MAGI2: variants seen among roughly 807,000 people sequenced by gnomAD.
MAGI2 encodes membrane-associated guanylate kinase, WW and PDZ domain-containing protein 2.
Under a neutral mutation model 133.3 loss-of-function variants are expected in MAGI2, and 35 were observed. The observed-to-expected ratio is 0.26, with a 90% CI of 0.20 to 0.35. MAGI2 has a LOEUF of 0.35. Among genes scored for constraint, MAGI2 ranks in the 10% least tolerant of loss-of-function variants. MAGI2 has a pLI of 1.00. For missense variants in MAGI2, 1,636 were observed against 1,863.4 expected (o/e 0.88, Z 2.25); for synonymous variants, 729 against 710.6 (o/e 1.03, Z -0.41).
intron 1 of MAGI2, among the ~76,000 whole-genome samples, chr7:79,371,987 T>A (rs969154031): frequency 2.6e-5 from 4 of 152,186 alleles, no homozygotes; most frequent in Admixed American, 2.0e-4. Context: ...TTACAGGCAT[T>A]ATATTACTTA....
intron 1 of MAGI2, among the ~76,000 whole-genome samples, chr7:79,254,808 T>C (rs1038621940): frequency 1.3e-5 from 2 of 152,282 alleles, no homozygotes; most frequent in Middle Eastern, 3.4e-3. Context: ...ATAAACACAA[T>C]AGAAAGTAAA....
chr7:78,223,639 G>A (rs1789055499), intron 10 of MAGI2, among the ~76,000 whole-genome samples: 1 of 151,946 alleles, frequency 6.6e-6, no homozygotes, highest in Admixed American at 6.6e-5. Context: ...ATGTTGATAA[G>A]GACTTAACAA....
At chr7:78,590,178 T>G (rs1410921082) in intron 3 of MAGI2, among the ~76,000 whole-genome samples, 1 of 152,234 alleles carries the variant, frequency 6.6e-6, no homozygotes, top group African/African-American at 2.4e-5. Context: ...CCTATGTGAA[T>G]TACTTGATGT....
intron 1 of MAGI2, among the ~76,000 whole-genome samples, chr7:79,094,150 C>G (rs1298533448): frequency 6.6e-6 from 1 of 152,228 alleles, no homozygotes; most frequent in Non-Finnish European, 1.5e-5. Flanking sequence ...TCCTTTCAAA[C>G]CCTGCTGCTG....
chr7:79,381,138 T>G (rs532573797), intron 1 of MAGI2, among the ~76,000 whole-genome samples: 1 of 111,346 alleles, frequency 9.0e-6, no homozygotes, highest in Admixed American at 8.8e-5. Flanking sequence ...TCGGTGCTGC[T>G]CAGCTCAGAT....
intron 20 of MAGI2, among the ~76,000 whole-genome samples, chr7:78,092,723 G>T (rs1349925711): frequency 6.6e-6 from 1 of 152,094 alleles, no homozygotes; most frequent in East Asian, 1.9e-4. Context: ...TTCAGTTTCG[G>T]TTAATAATTG....
intron 1 of MAGI2, among the ~76,000 whole-genome samples, chr7:79,281,506 G>C (rs1419572740): frequency 6.7e-6 from 1 of 148,514 alleles, no homozygotes; most frequent in Non-Finnish European, 1.5e-5. Flanking sequence ...TAAAAACAAA[G>C]CCAAAACAAA....
intron 10 of MAGI2, among the ~76,000 whole-genome samples, chr7:78,230,210 T>G (rs1433898106): frequency 6.6e-6 from 1 of 152,232 alleles, no homozygotes; most frequent in Non-Finnish European, 1.5e-5. Flanking sequence ...TGTTTTGAAT[T>G]GCATTAAAGT....
chr7:78,127,986 A>G (rs1280779715), intron 18 of MAGI2, among the ~76,000 whole-genome samples: 2 of 151,922 alleles, frequency 1.3e-5, no homozygotes, highest in Middle Eastern at 3.2e-3. Context: ...ATGGTAAAAT[A>G]TAATCACCAA....
At chr7:78,497,333 C>G (rs527735199) in intron 5 of MAGI2, among the ~76,000 whole-genome samples, 2 of 152,230 alleles carry the variant, frequency 1.3e-5, no homozygotes, top group South Asian at 4.1e-4. Flanking sequence ...CTCAGCAATT[C>G]TCCTTTTCCA....
intron 1 of MAGI2, among the ~76,000 whole-genome samples, chr7:79,446,767 G>A (rs932009559): frequency 1.1e-4 from 17 of 152,164 alleles, no homozygotes; most frequent in African/African-American, 2.6e-4. Context: ...TGGCTAACAC[G>A]GTGAAACCCC....
chr7:79,131,842 A>T (rs977001347), intron 1 of MAGI2, among the ~76,000 whole-genome samples: 2 of 152,164 alleles, frequency 1.3e-5, no homozygotes, highest in Admixed American at 1.3e-4. Flanking sequence ...GTCTATTTCA[A>T]TGTTTCGCAA....
intron 2 of MAGI2, among the ~76,000 whole-genome samples, chr7:78,725,984 T>C (rs180864433): frequency 9.0e-4 from 137 of 152,294 alleles, no homozygotes; most frequent in Non-Finnish European, 1.4e-3. Context: ...AGGCTTTTAA[T>C]ATAGTTGCTC....
At chr7:79,044,399 C>T (rs1193095134) in intron 1 of MAGI2, among the ~76,000 whole-genome samples, 2 of 152,064 alleles carry the variant, frequency 1.3e-5, no homozygotes, top group Non-Finnish European at 2.9e-5. Flanking sequence ...AGGTTAAAAA[C>T]CCTCAGTGAA....
At chr7:79,162,354 AT>A (rs1174747280) in intron 1 of MAGI2, among the ~76,000 whole-genome samples, 1 of 152,084 alleles carries the variant, frequency 6.6e-6, no homozygotes, top group Non-Finnish European at 1.5e-5. Flanking sequence ...CTTATTTGGC[AT>A]CCCACTGGGC....
intron 2 of MAGI2, among the ~76,000 whole-genome samples, chr7:78,666,641 T>C (rs1813622061): frequency 6.6e-6 from 1 of 152,186 alleles, no homozygotes; most frequent in Non-Finnish European, 1.5e-5. Flanking sequence ...GACTTGATGA[T>C]ACCTGGTAGC....
At chr7:78,186,242 A>T (rs753179566) in intron 12 of MAGI2, among the ~76,000 whole-genome samples, 1 of 152,162 alleles carries the variant, frequency 6.6e-6, no homozygotes, top group Non-Finnish European at 1.5e-5. Context: ...AATCTATGCT[A>T]CTTCTAATAA....
In MAGI2 at chr7:79,369,039, A is replaced by G. The variant is rs140611236; in HGVS notation, c.301+83981T>C. On this transcript the variant is annotated intron_variant, in intron 1 of 21. Transcript: ENST00000354212. Reference sequence around the variant, plus strand: ...ACGAAAGCATTCATGTGTGAACTGAAACACTTAAAAATGCCAAACTTTAGC... The same window carrying G: ...ACGAAAGCATTCATGTGTGAACTGAGACACTTAAAAATGCCAAACTTTAGC... Among the ~76,000 whole-genome samples, 70 of 152,216 alleles carry G rather than the reference A, an allele frequency of 4.6e-4. No homozygotes were observed. In the East Asian group the frequency reaches 0.013, roughly 28 times the overall value.
intron 2 of MAGI2, among the ~76,000 whole-genome samples, chr7:78,660,607 A>T (rs978458605): frequency 6.6e-6 from 1 of 152,226 alleles, no homozygotes; most frequent in Admixed American, 6.5e-5. Context: ...AAGAAATAAC[A>T]TGCTATAAAT....
Sources: allele counts gnomAD v4.1 joint callset (sites outside exome capture counted in the v4.1 genomes callset), GRCh38; gene constraint gnomAD v4.1.1; transcripts MANE v1.5; gene names NCBI Gene and HGNC (gene_info 2026-07-23, HGNC 2026-07-21).